The following CDK14 variants were observed in gnomAD, a reference collection of about 807,000 sequenced individuals.
The protein encoded by CDK14 is cyclin dependent kinase 14.
In CDK14, 34 loss-of-function variants were observed where a neutral mutation model predicts 60.7. That is an observed-to-expected ratio of 0.56 (90% CI 0.43 to 0.75). The LOEUF is 0.75. CDK14 is among the 30% of genes least tolerant of loss of function. The pLI, the probability that CDK14 is intolerant of heterozygous loss-of-function variation, is 0.00. For synonymous variants in CDK14, 197 were observed against 203.7 expected (o/e 0.97, Z 0.28); for missense variants, 482 against 564.1 (o/e 0.85, Z 1.47).
chr7:90,844,707 T>C (rs1339078578), intron 5 of CDK14, among the ~76,000 whole-genome samples: 1 of 152,136 alleles, frequency 6.6e-6, no homozygotes, highest in Non-Finnish European at 1.5e-5. Context: ...GATAAGAAAA[T>C]CTCAGTTTTT....
At chr7:91,051,814 C>G (rs1309869686) in intron 11 of CDK14, among the ~76,000 whole-genome samples, 2 of 152,206 alleles carry the variant, frequency 1.3e-5, no homozygotes, top group Non-Finnish European at 2.9e-5. Flanking sequence ...GGATCACTTT[C>G]TTCTACCAGG....
intron 9 of CDK14, among the ~76,000 whole-genome samples, chr7:90,968,263 C>A (rs532777076): frequency 2.0e-5 from 3 of 151,934 alleles, no homozygotes; most frequent in Non-Finnish European, 4.4e-5. Context: ...TGGTAGATGT[C>A]ATTAGAAAAA....
intron 2 of CDK14, among the ~76,000 whole-genome samples, chr7:90,634,593 AC>A (rs1363486714): frequency 6.6e-6 from 1 of 152,038 alleles, no homozygotes; most frequent in African/African-American, 2.4e-5. Flanking sequence ...CAGTAAACAT[AC>A]GTGTGCATGT....
intron 10 of CDK14, among the ~76,000 whole-genome samples, chr7:91,034,693 T>C (rs1796863063): frequency 6.6e-6 from 1 of 152,040 alleles, no homozygotes; most frequent in African/African-American, 2.4e-5. Flanking sequence ...CCAGGTAGAG[T>C]TCACTTCTCT....
chr7:90,695,812 A>AAG (rs1474201726), intron 2 of CDK14, among the ~76,000 whole-genome samples: 8 of 152,132 alleles, frequency 5.3e-5, no homozygotes, highest in African/African-American at 1.9e-4. Flanking sequence ...AAGGAACAGG[A>AAG]AGGAGTTCAT....
chr7:91,076,664 C>CTA (rs1798328763), intron 11 of CDK14, among the ~76,000 whole-genome samples: 3 of 152,066 alleles, frequency 2.0e-5, no homozygotes. Flanking sequence ...TCTAATTAAA[C>CTA]TAAAGAGCTT....
At chr7:90,882,214 T>A (rs900283695) in intron 6 of CDK14, among the ~76,000 whole-genome samples, 1 of 121,768 alleles carries the variant, frequency 8.2e-6, no homozygotes, top group African/African-American at 3.2e-5. Context: ...AAGACACACA[T>A]AGACTCAAAA....
intron 14 of CDK14, among the ~76,000 whole-genome samples, chr7:91,173,173 C>T (rs1801581825): frequency 8.9e-5 from 1 of 11,244 alleles, no homozygotes; most frequent in African/African-American, 6.3e-4. Flanking sequence ...GTCAGAAAAG[C>T]CTCCATGTAA....
chr7:90,757,821 T>TC (rs1804145102), intron 4 of CDK14, among the ~76,000 whole-genome samples: 1 of 152,136 alleles, frequency 6.6e-6, no homozygotes, highest in Non-Finnish European at 1.5e-5. Flanking sequence ...CAGACTGGTC[T>TC]CGAACTCCTG....
chr7:90,767,587 A>T (rs771808803), intron 4 of CDK14, among the ~76,000 whole-genome samples: 1 of 152,082 alleles, frequency 6.6e-6, no homozygotes, highest in Non-Finnish European at 1.5e-5. Flanking sequence ...AAGGTTTTCT[A>T]TTCCTTTGCT....
chr7:91,072,064 C>T (rs1247345578), intron 11 of CDK14, among the ~76,000 whole-genome samples: 1 of 152,206 alleles, frequency 6.6e-6, no homozygotes, highest in East Asian at 1.9e-4. Flanking sequence ...TCTCTGCAGA[C>T]CAGCAGACTT....
At chr7:91,192,960 T>C (rs1802416834) in intron 14 of CDK14, among the ~76,000 whole-genome samples, 1 of 152,204 alleles carries the variant, frequency 6.6e-6, no homozygotes, top group Non-Finnish European at 1.5e-5. Flanking sequence ...GAAGGAAATA[T>C]GATGCATAGA....
At chr7:90,631,709 G>T (rs73707288) in intron 2 of CDK14, among the ~76,000 whole-genome samples, 1 of 152,142 alleles carries the variant, frequency 6.6e-6, no homozygotes, top group Non-Finnish European at 1.5e-5. Context: ...AAAGGCCCTC[G>T]GGGACTGGGT....
intron 8 of CDK14, among the ~76,000 whole-genome samples, chr7:90,924,482 C>T (rs1793352786): frequency 6.6e-6 from 1 of 152,156 alleles, no homozygotes; most frequent in South Asian, 2.1e-4. Context: ...AGATCCTGGC[C>T]CATCTCTTTC....
chr7:90,735,277 T>C (rs1318661932), intron 3 of CDK14, among the ~76,000 whole-genome samples: 1 of 152,198 alleles, frequency 6.6e-6, no homozygotes, highest in Non-Finnish European at 1.5e-5. Flanking sequence ...CCAGTCAGGA[T>C]ACATGGGGTT....
At chr7:91,067,473 T>C (rs1378861615) in intron 11 of CDK14, among the ~76,000 whole-genome samples, 1 of 152,220 alleles carries the variant, frequency 6.6e-6, no homozygotes, top group Non-Finnish European at 1.5e-5. Context: ...AGTTAGTGTC[T>C]CTAGCTGTAG....
At chr7:90,780,799 T>C (rs1434261468) in intron 4 of CDK14, among the ~76,000 whole-genome samples, 1 of 151,976 alleles carries the variant, frequency 6.6e-6, no homozygotes, top group Non-Finnish European at 1.5e-5. Flanking sequence ...ATCCAGTCTA[T>C]CATTGTTGGA....
chr7:90,956,904 G>T (rs1394929373), intron 9 of CDK14, among the ~76,000 whole-genome samples: 1 of 151,660 alleles, frequency 6.6e-6, no homozygotes, highest in Non-Finnish European at 1.5e-5. Flanking sequence ...TGAGAATGAT[G>T]ATTTCCAGTT....
intron 6 of CDK14, among the ~76,000 whole-genome samples, chr7:90,885,828 G>A (rs1056803560): frequency 6.6e-6 from 1 of 152,074 alleles, no homozygotes; most frequent in Admixed American, 6.6e-5. Context: ...ACCAAATACT[G>A]CATGTTCTCA....
Sources: allele counts gnomAD v4.1 joint callset (sites outside exome capture counted in the v4.1 genomes callset), GRCh38; gene constraint gnomAD v4.1.1; transcripts MANE v1.5; gene names NCBI Gene and HGNC (gene_info 2026-07-23, HGNC 2026-07-21).